The following CAMKMT variants were observed in gnomAD, a reference collection of about 807,000 sequenced individuals.
CAMKMT encodes calmodulin-lysine N-methyltransferase, also known as CaM KMT.
In CAMKMT, 53 loss-of-function variants were observed where a neutral mutation model predicts 48.0. The observed-to-expected ratio is 1.10, with a 90% CI of 0.89 to 1.39. CAMKMT has a LOEUF of 1.39. Among genes scored for constraint, CAMKMT ranks in the 40% most tolerant of loss-of-function variants. The probability of loss-of-function intolerance (pLI) is 0.00; values close to 1 mark genes in which losing one functional copy is unlikely to be tolerated. For missense variants in CAMKMT, 428 were observed against 402.7 expected (o/e 1.06, Z -0.54); for synonymous variants, 165 against 152.3 (o/e 1.08, Z -0.61).
chr2:44,363,070 C>G (rs111514201), intron 1 of CAMKMT, among the ~76,000 whole-genome samples: 1 of 152,124 alleles, frequency 6.6e-6, no homozygotes, highest in Non-Finnish European at 1.5e-5. Flanking sequence ...TTTTGGGGAT[C>G]ACTTTGTTTG....
intron 6 of CAMKMT, among the ~76,000 whole-genome samples, chr2:44,708,698 TTC>T (rs1197105734): frequency 2.6e-5 from 4 of 152,136 alleles, no homozygotes; most frequent in African/African-American, 9.7e-5. Flanking sequence ...CTCTGCTTTA[TTC>T]TGAGTTATTT....
chr2:44,530,588 A>G (rs188477206), intron 3 of CAMKMT, among the ~76,000 whole-genome samples: 5 of 152,214 alleles, frequency 3.3e-5, no homozygotes, highest in African/African-American at 1.2e-4. Context: ...ATTTTTCCCA[A>G]TCGGGTACTT....
chr2:44,512,292 C>A (rs772626011), intron 3 of CAMKMT, among the ~76,000 whole-genome samples: 3 of 152,208 alleles, frequency 2.0e-5, no homozygotes, highest in Non-Finnish European at 4.4e-5. Flanking sequence ...TTCTGTTTCT[C>A]ATTTTCTTTA....
intron 3 of CAMKMT, among the ~76,000 whole-genome samples, chr2:44,475,983 A>T (rs1223558602): frequency 1.3e-5 from 2 of 152,256 alleles, no homozygotes; most frequent in African/African-American, 4.8e-5. Context: ...GTATGGTACC[A>T]TAAATACCAT....
intron 3 of CAMKMT, among the ~76,000 whole-genome samples, chr2:44,449,740 T>C (rs1667192211): frequency 6.6e-6 from 1 of 152,148 alleles, no homozygotes; most frequent in Admixed American, 6.6e-5. Flanking sequence ...TTCAACACTA[T>C]TAACAAGTAT....
chr2:44,689,335 G>T (rs1437960151), intron 3 of CAMKMT, among the ~76,000 whole-genome samples: 2 of 150,632 alleles, frequency 1.3e-5, no homozygotes, highest in East Asian at 2.0e-4. Flanking sequence ...GTCTCGCTCT[G>T]TTGCCCAGGC....
At chr2:44,738,967 C>CAG (rs1235703623) in intron 7 of CAMKMT, among the ~76,000 whole-genome samples, 1 of 152,132 alleles carries the variant, frequency 6.6e-6, no homozygotes, top group Non-Finnish European at 1.5e-5. Flanking sequence ...GACCCTAGAA[C>CAG]AGAACCATGC....
intron 8 of CAMKMT, among the ~76,000 whole-genome samples, chr2:44,750,380 C>T (rs920378817): frequency 1.3e-5 from 2 of 152,168 alleles, no homozygotes; most frequent in African/African-American, 4.8e-5. Context: ...TGGCCTTGAA[C>T]TCCTGACCTC....
intron 3 of CAMKMT, among the ~76,000 whole-genome samples, chr2:44,679,190 A>T (rs1246918326): frequency 6.6e-6 from 1 of 152,176 alleles, no homozygotes; most frequent in South Asian, 2.1e-4. Context: ...GGGTGAATCA[A>T]TGCTTGAGGA....
chr2:44,520,283 A>T (rs1671037041), intron 3 of CAMKMT, among the ~76,000 whole-genome samples: 1 of 151,982 alleles, frequency 6.6e-6, no homozygotes, highest in South Asian at 2.1e-4. Context: ...TGCCCAGACT[A>T]TGTTGCCCAG....
chr2:44,444,240 C>G (rs1358722629), intron 3 of CAMKMT, among the ~76,000 whole-genome samples: 1 of 152,140 alleles, frequency 6.6e-6, no homozygotes, highest in East Asian at 1.9e-4. Flanking sequence ...TCAGTCCTGC[C>G]TTGAGCAATT....
intron 3 of CAMKMT, among the ~76,000 whole-genome samples, chr2:44,656,700 C>A (rs1021208623): frequency 6.6e-6 from 1 of 151,998 alleles, no homozygotes; most frequent in Non-Finnish European, 1.5e-5. Flanking sequence ...AAAGGTCCCC[C>A]CCACCCCACC....
At chr2:44,478,154 GATAA>G (rs1475212079) in intron 3 of CAMKMT, among the ~76,000 whole-genome samples, 1 of 152,094 alleles carries the variant, frequency 6.6e-6, no homozygotes, top group Non-Finnish European at 1.5e-5. Flanking sequence ...AAAGAAACAT[GATAA>G]ATATCTGGAT....
chr2:44,466,583 A>G (rs1015291601), intron 3 of CAMKMT, among the ~76,000 whole-genome samples: 15 of 152,314 alleles, frequency 9.8e-5, no homozygotes, highest in Admixed American at 3.9e-4. Context: ...TCTCATATCA[A>G]CAAAATAACT....
chr2:44,382,455 T>G (rs1680342912), intron 2 of CAMKMT, among the ~76,000 whole-genome samples: 3 of 151,830 alleles, frequency 2.0e-5, no homozygotes. Context: ...TCAGTCATAT[T>G]GCAAATAACT....
chr2:44,645,115 C>A (rs977367985), intron 3 of CAMKMT, among the ~76,000 whole-genome samples: 3 of 152,060 alleles, frequency 2.0e-5, no homozygotes, highest in African/African-American at 7.2e-5. Flanking sequence ...CAAGCTTAGT[C>A]CAGATTTGAT....
chr2:44,640,410 T>C (rs1000561883), intron 3 of CAMKMT, among the ~76,000 whole-genome samples: 2 of 152,210 alleles, frequency 1.3e-5, no homozygotes, highest in Admixed American at 6.5e-5. Context: ...AACATAGGAA[T>C]GTCTGTGAAT....
At chr2:44,403,257 T>A (rs980234902) in intron 3 of CAMKMT, among the ~76,000 whole-genome samples, 1 of 151,836 alleles carries the variant, frequency 6.6e-6, no homozygotes, top group Non-Finnish European at 1.5e-5. Context: ...ATAAGAAGAG[T>A]CCTCAGTTAC....
At chr2:44,745,632 T>C (rs965095101) in intron 8 of CAMKMT, among the ~76,000 whole-genome samples, 2 of 152,090 alleles carry the variant, frequency 1.3e-5, no homozygotes, top group African/African-American at 4.8e-5. Flanking sequence ...GGCTTTTCCA[T>C]GCATGAATTG....
Sources: gnomAD v4.1 joint callset for allele counts (sites outside exome capture counted in the v4.1 genomes callset) on GRCh38, gnomAD v4.1.1 for gene constraint, MANE v1.5 for transcripts, NCBI Gene and HGNC (gene_info 2026-07-23, HGNC 2026-07-21) for gene names.